The following KCNMA1 variants were observed in gnomAD, a reference collection of about 807,000 sequenced individuals.
KCNMA1 encodes potassium calcium-activated channel subfamily M alpha 1.
KCNMA1 carries 29 observed loss-of-function variants against 140.0 expected under a neutral mutation model. The ratio of observed to expected loss-of-function variants is 0.21; its 90% CI spans 0.15 to 0.28. The LOEUF is 0.28. KCNMA1 is among the 10% of genes least tolerant of loss of function. The pLI is 1.00. For synonymous variants in KCNMA1, 612 were observed against 611.9 expected, an observed-to-expected ratio of 1.00 and a Z score of 0.00; for missense variants, 880 against 1,602.2, an observed-to-expected ratio of 0.55 and a Z score of 7.70.
intron 2 of KCNMA1, among the ~76,000 whole-genome samples, chr10:77,257,579 T>C (rs556793933): frequency 6.6e-6 from 1 of 152,300 alleles, no homozygotes; most frequent in Admixed American, 6.5e-5. Context: ...ACCTGGCTGT[T>C]CTAGGAAAGG....
At chr10:76,922,194 G>A (rs2056098570) in intron 23 of KCNMA1, among the ~76,000 whole-genome samples, 1 of 152,196 alleles carries the variant, frequency 6.6e-6, no homozygotes, top group Non-Finnish European at 1.5e-5. Flanking sequence ...TTCTATGCTA[G>A]AAACACGAGA....
chr10:77,184,062 T>TCACACACACACA (rs3068684), intron 4 of KCNMA1, among the ~76,000 whole-genome samples: 7,370 of 147,902 alleles, frequency 0.05, 217 homozygotes, highest in South Asian at 0.067. Context: ...ATGTACGCAT[T>TCACACACACACA]CACACACACA....
At chr10:76,900,644 A>C (rs2044760981) in intron 25 of KCNMA1, among the ~76,000 whole-genome samples, 1 of 152,154 alleles carries the variant, frequency 6.6e-6, no homozygotes, top group Non-Finnish European at 1.5e-5. Context: ...CATGTTCAGC[A>C]TGCACTTTTT....
chr10:77,007,653 G>GTGTGTGTGTATATATATATATATA lies in KCNMA1; in HGVS notation c.2092+4313_2092+4314insTATATATATATATATACACACACA. Among the ~76,000 whole-genome samples the GTGTGTGTGTATATATATATATATA allele has an allele frequency of 4.6e-3, 403 of 88,412 alleles. 8 individuals are homozygous for GTGTGTGTGTATATATATATATATA. The highest frequency in any genetic ancestry group is 0.015 in the African/African-American group (338 of 22,114). The allele number at this position is 88,412 out of a possible 152,430, so 58.0% of individuals were successfully genotyped here. A position where few individuals can be genotyped will look rare whatever the true frequency, so the allele number is the denominator to read the frequency against. ...ACATCATGGTACATATTGTGTGTGT[G>GTGTGTGTGTATATATATATATATA]TATATATATATATATATATATATGT... On this transcript the variant is annotated intron_variant, in intron 18 of 27. Coordinates refer to ENST00000286628, the MANE Select transcript of KCNMA1 (RefSeq NM_001161352.2).
chr10:77,370,464 T>C (rs898384968), intron 2 of KCNMA1, among the ~76,000 whole-genome samples: 1 of 152,224 alleles, frequency 6.6e-6, no homozygotes, highest in Non-Finnish European at 1.5e-5. Context: ...GTCAAGTTCA[T>C]TCTAAACACC....
chr10:77,533,345 C>T (rs1023224734), intron 1 of KCNMA1, among the ~76,000 whole-genome samples: 6 of 152,166 alleles, frequency 3.9e-5, no homozygotes, highest in African/African-American at 9.7e-5. Context: ...AAAGGGCACC[C>T]GTGAAGCTGG....
At chr10:76,916,718 A>G (rs2152457739) in intron 23 of KCNMA1, among the ~76,000 whole-genome samples, 2 of 152,348 alleles carry the variant, frequency 1.3e-5, no homozygotes, top group South Asian at 4.1e-4. Flanking sequence ...CTTTCCAGCA[A>G]TGTGACAAGA....
chr10:77,175,843 G>A (rs1356939857), intron 5 of KCNMA1, among the ~76,000 whole-genome samples: 1 of 152,176 alleles, frequency 6.6e-6, no homozygotes, highest in African/African-American at 2.4e-5. Flanking sequence ...GGAGGCAGGA[G>A]GCAGGGCTGT....
intron 25 of KCNMA1, among the ~76,000 whole-genome samples, chr10:76,909,586 C>T (rs1339546287): frequency 2.0e-5 from 3 of 152,100 alleles, no homozygotes; most frequent in South Asian, 2.1e-4. Flanking sequence ...CAGGTCCCCC[C>T]CAACACCAGG....
chr10:77,086,641 T>G (rs1349935577), intron 10 of KCNMA1, 48 bp from the exon 11 acceptor site: 1 of 1,372,596 alleles, frequency 7.3e-7, no homozygotes, highest in Non-Finnish European at 1.0e-6. Context: ...GACTCGGGGG[T>G]TTCAGCCTCC....
At chr10:76,953,291 C>T (rs2066971672) in intron 21 of KCNMA1, among the ~76,000 whole-genome samples, 1 of 152,206 alleles carries the variant, frequency 6.6e-6, no homozygotes, top group Non-Finnish European at 1.5e-5. Flanking sequence ...AATAACAATA[C>T]AGGCAGCATT....
intron 14 of KCNMA1, among the ~76,000 whole-genome samples, chr10:77,068,686 G>A (rs918532443): frequency 7.8e-6 from 1 of 127,578 alleles, no homozygotes; most frequent in Non-Finnish European, 1.6e-5. Flanking sequence ...AGAGCATACT[G>A]TGTTCCAGGT....
At chr10:77,307,389 T>C (rs1036384185) in intron 2 of KCNMA1, among the ~76,000 whole-genome samples, 5 of 152,240 alleles carry the variant, frequency 3.3e-5, no homozygotes, top group Non-Finnish European at 7.3e-5. Flanking sequence ...GTACTTCAAG[T>C]ACCCATACGA....
chr10:77,564,196 C>G (rs2067349738), intron 1 of KCNMA1, among the ~76,000 whole-genome samples: 1 of 152,214 alleles, frequency 6.6e-6, no homozygotes, highest in African/African-American at 2.4e-5. Flanking sequence ...AGTGAATTCA[C>G]AGTGACAGTG....
chr10:77,293,349 C>G (rs1313399861), intron 2 of KCNMA1, among the ~76,000 whole-genome samples: 1 of 152,120 alleles, frequency 6.6e-6, no homozygotes, highest in Non-Finnish European at 1.5e-5. Flanking sequence ...GTTTGCACAA[C>G]AAGAATGGGG....
chr10:77,380,243 T>G (rs147226666), intron 2 of KCNMA1, among the ~76,000 whole-genome samples: 1 of 152,160 alleles, frequency 6.6e-6, no homozygotes. Flanking sequence ...ATAAAGAACA[T>G]TCTTCAATTT....
chr10:76,966,503 G>A (rs746029761), intron 20 of KCNMA1, among the ~76,000 whole-genome samples: 1 of 152,164 alleles, frequency 6.6e-6, no homozygotes, highest in South Asian at 2.1e-4. Flanking sequence ...TTTCATTGAA[G>A]GTTCATAGGG....
chr10:77,561,057 A>AT (rs2066210300), intron 1 of KCNMA1, among the ~76,000 whole-genome samples: 1 of 26,766 alleles, frequency 3.7e-5, no homozygotes. Flanking sequence ...GTATGGAAAC[A>AT]CTTTTTTTTT....
chr10:77,173,223 A>G (rs1162034932), intron 5 of KCNMA1, among the ~76,000 whole-genome samples: 1 of 152,158 alleles, frequency 6.6e-6, no homozygotes, highest in Non-Finnish European at 1.5e-5. Flanking sequence ...ACATGGGGGA[A>G]AAAAGTAGTT....
Sources: allele counts gnomAD v4.1 joint callset (sites outside exome capture counted in the v4.1 genomes callset), GRCh38; gene constraint gnomAD v4.1.1; transcripts MANE v1.5; gene names NCBI Gene and HGNC (gene_info 2026-07-23, HGNC 2026-07-21).